The following COL28A1 variants were observed in gnomAD, a reference collection of about 807,000 sequenced individuals.
COL28A1 encodes the protein collagen type XXVIII alpha 1 chain, also known as collagen alpha-1(XXVIII) chain.
A neutral mutation model predicts 150.2 loss-of-function variants in COL28A1; 161 were observed. The ratio of observed to expected loss-of-function variants is 1.07; its 90% confidence interval spans 0.94 to 1.22. The LOEUF (loss-of-function observed/expected upper bound fraction) is 1.22. COL28A1 is among the 50% of genes most tolerant of loss of function. The pLI is 0.00. For missense variants in COL28A1, 1,617 were observed against 1,388.3 expected, an observed-to-expected ratio of 1.16 and a Z score of -2.62; for synonymous variants, 552 against 469.7, an observed-to-expected ratio of 1.18 and a Z score of -2.26.
intron 27 of COL28A1, among the ~76,000 whole-genome samples, chr7:7,390,558 G>A (rs1782480671): frequency 6.6e-6 from 1 of 152,154 alleles, no homozygotes; most frequent in Non-Finnish European, 1.5e-5. Flanking sequence ...AATAGTTTCA[G>A]AAGACATGGT....
At chr7:7,487,332 C>A (rs569949346) in intron 13 of COL28A1, among the ~76,000 whole-genome samples, 1 of 152,230 alleles carries the variant, frequency 6.6e-6, no homozygotes, top group African/African-American at 2.4e-5. Flanking sequence ...AATCCCATTA[C>A]TTTGGGAGGC....
At chr7:7,394,020 A>C (rs1289017470) in intron 27 of COL28A1, among the ~76,000 whole-genome samples, 1 of 151,578 alleles carries the variant, frequency 6.6e-6, no homozygotes, top group African/African-American at 2.4e-5. Flanking sequence ...GTCTGCCCAA[A>C]CAGCCTCCCA....
At chr7:7,388,671 G>T (rs911864595) in intron 27 of COL28A1, among the ~76,000 whole-genome samples, 1 of 152,066 alleles carries the variant, frequency 6.6e-6, no homozygotes, top group Non-Finnish European at 1.5e-5. Flanking sequence ...AGCATCTGTA[G>T]TTTTCTGACT....
In COL28A1 at chr7:7,516,716, A is replaced by G. The variant is rs140438131; in HGVS notation, c.856-876T>C. On this transcript the variant is annotated intron_variant, in intron 7 of 34. Coordinates refer to ENST00000399429, the MANE Select transcript of COL28A1 (RefSeq NM_001037763.3). ...ACAGTTACATGTGAGTCAGACTACA[A>G]AATTTTGTTCTATGCATGACTTTTT... is the stretch of plus-strand genomic sequence containing the variant. 8.5e-5 allele frequency among the ~76,000 whole-genome samples: 13 copies of G among 152,306 alleles called. No individual in the cohort carries two copies. The East Asian group carries it at 2.5e-3, about 29-fold the overall frequency.
At chr7:7,480,391 C>T (rs903235494) in intron 13 of COL28A1, among the ~76,000 whole-genome samples, 1 of 152,050 alleles carries the variant, frequency 6.6e-6, no homozygotes, top group Admixed American at 6.5e-5. Context: ...TTAATGAAAG[C>T]ACTAATATCC....
At chr7:7,368,063 C>G (rs1781029963) in intron 33 of COL28A1, among the ~76,000 whole-genome samples, 1 of 152,050 alleles carries the variant, frequency 6.6e-6, no homozygotes. Flanking sequence ...CCTGGACTAT[C>G]ACGCCTCATA....
At chr7:7,447,962 G>T (rs941937234) in intron 18 of COL28A1, among the ~76,000 whole-genome samples, 1 of 152,136 alleles carries the variant, frequency 6.6e-6, no homozygotes. Flanking sequence ...AGCTACATGG[G>T]AAGCTAAGGC....
intron 30 of COL28A1, among the ~76,000 whole-genome samples, chr7:7,377,891 G>T (rs1781648682): frequency 6.6e-6 from 1 of 151,238 alleles, no homozygotes; most frequent in Non-Finnish European, 1.5e-5. Flanking sequence ...CATTCCAGAA[G>T]AAGAATGAGG....
chr7:7,477,107 G>T lies in COL28A1; in HGVS notation c.1233+5C>A. 2.7e-6 allele frequency: 3 copies of T among 1,116,146 alleles called. No individual in the cohort carries two copies. The highest frequency in any genetic ancestry group is 2.5e-5 in the South Asian group (2 of 81,402). The allele number at this position is 1,116,146 out of a possible 1,614,324, so 69.1% of individuals were successfully genotyped here. Reference sequence around the variant, plus strand: ...ACCTTTTCCTGGTACAGAAGGTATTGTTACCTTTGGTCCTGGAAATCCTTC... The same window carrying T: ...ACCTTTTCCTGGTACAGAAGGTATTTTTACCTTTGGTCCTGGAAATCCTTC... On this transcript the variant is annotated splice_donor_5th_base_variant and intron_variant, in intron 14 of 34. Transcript: ENST00000399429.
chr7:7,420,173 T>G (rs1784321693), intron 25 of COL28A1: 1 of 338,152 alleles, frequency 3.0e-6, no homozygotes, highest in South Asian at 1.0e-4. Context: ...TTGGCAACAT[T>G]AACTTTTTTC....
At chr7:7,492,990 TATATA>T (rs1780006999) in intron 11 of COL28A1, among the ~76,000 whole-genome samples, 1 of 148,044 alleles carries the variant, frequency 6.8e-6, no homozygotes, top group South Asian at 2.1e-4. Flanking sequence ...ATATACCTGT[TATATA>T]ATATATATAC....
intron 21 of COL28A1, among the ~76,000 whole-genome samples, chr7:7,437,942 G>A (rs1486450323): frequency 6.6e-6 from 1 of 151,928 alleles, no homozygotes; most frequent in Non-Finnish European, 1.5e-5. Context: ...TTAAGAAGTA[G>A]AACCCCTATG....
chr7:7,431,421 G>A (rs1385314799), intron 25 of COL28A1: 1 of 420,340 alleles, frequency 2.4e-6, no homozygotes, highest in Non-Finnish European at 5.0e-6. Context: ...ACGCTACATG[G>A]AAAACATACA....
At chr7:7,360,351 G>A (rs912905679) in intron 34 of COL28A1, 39 bp downstream of exon 34, 1 of 1,510,690 alleles carries the variant, frequency 6.6e-7, no homozygotes, top group Non-Finnish European at 8.8e-7. Context: ...GCACAAGACT[G>A]TAGAATCAAA....
rs373056111 is a variant in COL28A1, at chr7:7,408,361, T to C, written c.2136+9498A>G. 6.4e-4 allele frequency among the ~76,000 whole-genome samples: 98 copies of C among 152,256 alleles called. 1 individual carries two copies. Among genetic ancestry groups the C allele is most frequent in the African/African-American group, 2.2e-3 (91 of 41,580 alleles). ...AACCCTGAGCAGGTAATTTACTTCA[T>C]TTCCCCTCACTTCTTATAATTAAAA... On this transcript the variant is annotated intron_variant, in intron 27 of 34. Transcript: ENST00000399429.
upstream of COL28A1, among the ~76,000 whole-genome samples, chr7:7,537,139 T>C (rs1436652275): frequency 2.0e-5 from 3 of 152,330 alleles, no homozygotes; most frequent in East Asian, 5.8e-4. Flanking sequence ...ACTGCTTACC[T>C]GCATATTCCA....
chr7:7,376,260 A>G (rs888382565), intron 30 of COL28A1, among the ~76,000 whole-genome samples: 2 of 152,234 alleles, frequency 1.3e-5, no homozygotes, highest in Non-Finnish European at 1.5e-5. Flanking sequence ...AGAAGCCTAG[A>G]TCTCAACAGG....
chr7:7,414,390 T>A (rs1259836394), intron 27 of COL28A1, among the ~76,000 whole-genome samples: 2 of 152,188 alleles, frequency 1.3e-5, no homozygotes, highest in Non-Finnish European at 2.9e-5. Flanking sequence ...TATTCATTGA[T>A]CCAAACAACA....
chr7:7,429,855 C>T (rs998180803), intron 25 of COL28A1, among the ~76,000 whole-genome samples: 3 of 152,134 alleles, frequency 2.0e-5, no homozygotes, highest in African/African-American at 4.8e-5. Flanking sequence ...CATGGACTGC[C>T]GCTTCCACTC....
Sources: gnomAD v4.1 joint callset for allele counts (sites outside exome capture counted in the v4.1 genomes callset) on GRCh38, gnomAD v4.1.1 for gene constraint, MANE v1.5 for transcripts, NCBI Gene and HGNC (gene_info 2026-07-23, HGNC 2026-07-21) for gene names.